ATP2A2: variants seen among roughly 807,000 people sequenced by gnomAD.
ATP2A2 encodes the protein sarcoplasmic/endoplasmic reticulum calcium ATPase 2.
In ATP2A2, 14 loss-of-function variants were observed where a neutral mutation model predicts 109.3. That is an observed-to-expected ratio of 0.13 (90% confidence interval 0.08 to 0.20). The LOEUF is 0.20. Ranked by LOEUF, ATP2A2 falls within the 10% of genes least tolerant of loss-of-function variation. ATP2A2 has a pLI of 1.00. For synonymous variants in ATP2A2, 506 were observed against 490.9 expected, an observed-to-expected ratio of 1.03 and a Z score of -0.41; for missense variants, 657 against 1,321.6, an observed-to-expected ratio of 0.50 and a Z score of 7.80.
intron 11 of ATP2A2, 72 bp downstream of exon 11, chr12:110,334,215 G>C (rs1023863174): frequency 1.9e-6 from 3 of 1,573,102 alleles, no homozygotes; most frequent in African/African-American, 2.7e-5. Context: ...TGTCTGCACT[G>C]TCCTACTCTC....
intron 5 of ATP2A2, among the ~76,000 whole-genome samples, chr12:110,316,215 C>T (rs536881555): frequency 6.6e-6 from 1 of 152,322 alleles, no homozygotes; most frequent in Admixed American, 6.5e-5. Flanking sequence ...GTCTGGTTGT[C>T]ATTCTAGACA....
Position 110,312,348 on chromosome 12 carries a change from A to G in ATP2A2, c.464-10644A>G, listed in dbSNP as rs1876170879. Among the ~76,000 whole-genome samples the G allele has an allele frequency of 2.0e-5, 3 of 152,166 alleles. 1 individual carries two copies. In the South Asian group the frequency reaches 6.2e-4, roughly 32 times the overall value. On this transcript the variant is annotated intron_variant, in intron 5 of 19. Transcript: ENST00000539276. ...TGGGGCCTGATTATTCTGCATTTCT[A>G]ATAAGCTCCCAGGTCAATAATTTGA...
chr12:110,345,667 C>CCT, intron 18 of ATP2A2: 1 of 576,218 alleles, frequency 1.7e-6, no homozygotes, highest in South Asian at 2.0e-5. Flanking sequence ...AGGGAAGGAA[C>CCT]CTCACCCTTT....
In ATP2A2 at chr12:110,348,702, A is replaced by G; in HGVS notation, c.*2232A>G. The G allele has an allele frequency of 1.0e-6, 1 of 982,122 alleles. No homozygotes were observed. Among genetic ancestry groups the G allele is most frequent in the Non-Finnish European group, 1.2e-6 (1 of 827,274 alleles). The allele number at this position is 982,122 out of a possible 1,614,324, so 60.8% of individuals were successfully genotyped here. A position where few individuals can be genotyped will look rare whatever the true frequency, so the allele number is the denominator to read the frequency against. On this transcript the variant is annotated 3_prime_UTR_variant, in exon 20 of 20. Coordinates refer to ENST00000539276, the MANE Select transcript of ATP2A2 (RefSeq NM_170665.4). The stretch of plus-strand genomic sequence containing the variant: ...CTGGGCAACAGAGTGAGGCCCTGTC[A>G]AAAAAAAATCAGCCTTACTGTGAAG...
At chr12:110,334,224 T>G in intron 11 of ATP2A2, 81 bp downstream of exon 11, 1 of 1,555,212 alleles carries the variant, frequency 6.4e-7, no homozygotes, top group East Asian at 2.2e-5. Flanking sequence ...TGTCCTACTC[T>G]CTTAGAAAAC....
chr12:110,288,958 A>G (rs948526824), intron 3 of ATP2A2, among the ~76,000 whole-genome samples: 7 of 152,024 alleles, frequency 4.6e-5, no homozygotes, highest in Non-Finnish European at 5.9e-5. Context: ...TTCTCCTTAC[A>G]CAAGGCAAGA....
intron 3 of ATP2A2, among the ~76,000 whole-genome samples, chr12:110,285,300 A>G (rs1322686635): frequency 6.6e-6 from 1 of 152,188 alleles, no homozygotes; most frequent in African/African-American, 2.4e-5. Context: ...TTCATCTTCC[A>G]GTGCATATGA....
chr12:110,306,445 T>C (rs1875339813), intron 5 of ATP2A2, among the ~76,000 whole-genome samples: 1 of 152,198 alleles, frequency 6.6e-6, no homozygotes, highest in Non-Finnish European at 1.5e-5. Context: ...GCTGATCCTG[T>C]CATCCAGATG....
intron 5 of ATP2A2, among the ~76,000 whole-genome samples, chr12:110,311,328 G>T (rs1876009441): frequency 6.6e-6 from 1 of 152,084 alleles, no homozygotes; most frequent in African/African-American, 2.4e-5. Context: ...TCCTGCCTTA[G>T]CCTGTAATCC....
At chr12:110,290,439 AAATG>A (rs1873140172) in intron 3 of ATP2A2, among the ~76,000 whole-genome samples, 1 of 152,256 alleles carries the variant, frequency 6.6e-6, no homozygotes, top group Admixed American at 6.5e-5. Context: ...AATAATAACT[AAATG>A]AACATGACTG....
At chr12:110,286,570 C>T (rs1344925347) in intron 3 of ATP2A2, among the ~76,000 whole-genome samples, 6 of 151,994 alleles carry the variant, frequency 3.9e-5, no homozygotes, top group Admixed American at 3.9e-4. Flanking sequence ...CAGAAGGGAA[C>T]GAGTTCTAAT....
intron 5 of ATP2A2, among the ~76,000 whole-genome samples, chr12:110,308,284 T>G (rs1359873833): frequency 1.3e-5 from 2 of 152,214 alleles, no homozygotes; most frequent in African/African-American, 4.8e-5. Context: ...GCAGACATCC[T>G]TGTCTTACTG....
In ATP2A2 at chr12:110,339,484, A is replaced by G; in HGVS notation, c.1543-19A>G. On this transcript the variant is annotated intron_variant, in intron 12 of 19. Coordinates refer to ENST00000539276, the MANE Select transcript of ATP2A2 (RefSeq NM_170665.4). This position sits in a 1 kb window ranked among gnomAD's most constrained non-coding sequence, Gnocchi z 4.4. ...ACCAATAAAACAAAATTGTTTATCT[A>G]AATCTGTAACATTTCCAGGGTGCTC... is the stretch of plus-strand genomic sequence containing the variant. The G allele has an allele frequency of 2.5e-6, 4 of 1,613,948 alleles. No homozygotes were observed. The highest frequency in any genetic ancestry group is 3.4e-6 in the Non-Finnish European group (4 of 1,179,906).
intron 3 of ATP2A2, among the ~76,000 whole-genome samples, chr12:110,287,466 C>T (rs1429417119): frequency 6.6e-6 from 1 of 152,054 alleles, no homozygotes; most frequent in East Asian, 1.9e-4. Flanking sequence ...AAGCATTGAA[C>T]TTGTTTGATA....
At chr12:110,300,539 A>G (rs1222788808) in intron 5 of ATP2A2, among the ~76,000 whole-genome samples, 2 of 150,314 alleles carry the variant, frequency 1.3e-5, no homozygotes, top group African/African-American at 2.5e-5. Context: ...TATTTTTAGT[A>G]GAGACAGGGT....
chr12:110,291,307 G>A (rs1873265636), intron 3 of ATP2A2, among the ~76,000 whole-genome samples: 1 of 152,064 alleles, frequency 6.6e-6, no homozygotes, highest in Non-Finnish European at 1.5e-5. Flanking sequence ...AGGTACAAGT[G>A]ATTCTCTTGC....
upstream of ATP2A2, chr12:110,281,032 C>T (rs2137667461): frequency 6.6e-6 from 1 of 151,816 alleles, no homozygotes; most frequent in East Asian, 1.9e-4. Context: ...GCCCCGCGAC[C>T]GCGGCGCGCG....
At position 110,348,426 on chromosome 12, in the gene ATP2A2, C is replaced by A; in HGVS notation, c.*1956C>A. The A allele has an allele frequency of 1.0e-6, 1 of 985,524 alleles. No homozygotes were observed. The highest frequency in any genetic ancestry group is 1.2e-6 in the Non-Finnish European group (1 of 830,076). 61.0% of individuals were successfully genotyped at this position (985,524 alleles called of 1,614,324 possible). A position where few individuals can be genotyped will look rare whatever the true frequency, so the allele number is the denominator to read the frequency against. On this transcript the variant is annotated 3_prime_UTR_variant, in exon 20 of 20. Transcript: ENST00000539276. The stretch of plus-strand genomic sequence containing the variant: ...CTATATTCTTCAAAATGTACTTAGG[C>A]TCTGGTTACTGGGATGGCCAGTAGA...
At chr12:110,341,586 T>C (rs1485785164) in intron 14 of ATP2A2, among the ~76,000 whole-genome samples, 2 of 152,160 alleles carry the variant, frequency 1.3e-5, no homozygotes, top group Non-Finnish European at 2.9e-5. Flanking sequence ...TGAAGGCATA[T>C]TTTTTGGCCG....
Sources: allele counts gnomAD v4.1 joint callset (sites outside exome capture counted in the v4.1 genomes callset), GRCh38; gene constraint gnomAD v4.1.1; non-coding constraint Gnocchi (gnomAD v3.1); transcripts MANE v1.5; gene names NCBI Gene and HGNC (gene_info 2026-07-23, HGNC 2026-07-21).